The following OLFM3 variants were observed in gnomAD, a reference collection of about 807,000 sequenced individuals.
The protein encoded by OLFM3 is olfactomedin 3, also known as noelin-3.
Under a neutral mutation model 48.6 loss-of-function variants are expected in OLFM3, and 20 were observed. The ratio of observed to expected loss-of-function variants is 0.41; its 90% confidence interval spans 0.29 to 0.60. The LOEUF (loss-of-function observed/expected upper bound fraction) is 0.60. OLFM3 is among the 20% of genes least tolerant of loss of function. OLFM3 has a pLI of 0.28. For missense variants in OLFM3, 437 were observed against 544.3 expected (o/e 0.80, Z 1.96); for synonymous variants, 222 against 198.1 (o/e 1.12, Z -1.01).
intron 1 of OLFM3, among the ~76,000 whole-genome samples, chr1:101,984,551 C>T (rs1314017447): frequency 6.6e-6 from 1 of 152,144 alleles, no homozygotes; most frequent in African/African-American, 2.4e-5. Context: ...GCGTCTGCCG[C>T]CATGCCCAGC....
chr1:101,931,968 G>A (rs1440467778), intron 1 of OLFM3, among the ~76,000 whole-genome samples: 2 of 152,136 alleles, frequency 1.3e-5, no homozygotes, highest in Non-Finnish European at 2.9e-5. Flanking sequence ...CTACAATAAT[G>A]AAATAATTGT....
At chr1:101,868,517 G>C (rs1205492692) in intron 1 of OLFM3, among the ~76,000 whole-genome samples, 1 of 152,170 alleles carries the variant, frequency 6.6e-6, no homozygotes, top group East Asian at 1.9e-4. Flanking sequence ...AAATTTCTAA[G>C]CAGCAAAGCA....
chr1:101,918,733 C>A (rs1043870915), intron 1 of OLFM3, among the ~76,000 whole-genome samples: 2 of 151,936 alleles, frequency 1.3e-5, no homozygotes, highest in Admixed American at 6.6e-5. Flanking sequence ...GTGTAAATAT[C>A]TTTTATTAGA....
intron 1 of OLFM3, among the ~76,000 whole-genome samples, chr1:101,917,834 T>A (rs1658974141): frequency 6.6e-6 from 1 of 152,214 alleles, no homozygotes; most frequent in Admixed American, 6.5e-5. Flanking sequence ...GCAATCATAG[T>A]ACAAACTTGG....
intron 1 of OLFM3, among the ~76,000 whole-genome samples, chr1:101,843,015 T>TG (rs1313981632): frequency 6.6e-6 from 1 of 152,160 alleles, no homozygotes; most frequent in Non-Finnish European, 1.5e-5. Context: ...AAACAGAATT[T>TG]GGGGGGAAAA....
chr1:101,814,422 T>C (rs1654230431), intron 4 of OLFM3, among the ~76,000 whole-genome samples: 1 of 152,128 alleles, frequency 6.6e-6, no homozygotes, highest in South Asian at 2.1e-4. Context: ...AAACATATCA[T>C]ACAGAAATAA....
rs553311641 is a variant in OLFM3, at chr1:101,840,115, T to C, written c.70-3090A>G. Among the ~76,000 whole-genome samples the C allele has an allele frequency of 3.7e-4, 57 of 152,258 alleles. No homozygotes were observed. In the South Asian group the frequency reaches 4.3e-3, roughly 12 times the overall value. On this transcript the variant is annotated intron_variant, in intron 1 of 5. Transcript: ENST00000370103. ...AAAAGAGAATCAAAATCAAACCAACTAAGATCTCGGATGGAAGGACGTATT... is the reference window on the plus strand; with the variant it reads ...AAAAGAGAATCAAAATCAAACCAACCAAGATCTCGGATGGAAGGACGTATT...
At chr1:101,846,727 C>G (rs1337348674) in intron 1 of OLFM3, 16 of 686,534 alleles carry the variant, frequency 2.3e-5, no homozygotes, top group Middle Eastern at 2.5e-4. Flanking sequence ...ATAGTTACTA[C>G]ATTTTTGAAG....
At chr1:101,914,321 G>A (rs1658857628) in intron 1 of OLFM3, among the ~76,000 whole-genome samples, 1 of 152,088 alleles carries the variant, frequency 6.6e-6, no homozygotes, top group Non-Finnish European at 1.5e-5. Flanking sequence ...TTACCACATT[G>A]TTTTTGAAAT....
intron 4 of OLFM3, 68 bp downstream of exon 4, chr1:101,824,958 G>T: frequency 7.3e-7 from 1 of 1,363,490 alleles, no homozygotes; most frequent in East Asian, 2.3e-5. Context: ...TTTATAAAAC[G>T]TAAGAGCACA....
chr1:101,970,009 G>C (rs776181188), intron 1 of OLFM3, among the ~76,000 whole-genome samples: 39 of 151,582 alleles, frequency 2.6e-4, no homozygotes, highest in Non-Finnish European at 4.4e-4. Context: ...TTGCCATTTT[G>C]TAATGACAGA....
In OLFM3 at chr1:101,950,033, A is replaced by AAAC. The variant is rs1460699883; in HGVS notation, c.69+46714_69+46715insGTT. 6.1e-4 allele frequency among the ~76,000 whole-genome samples: 92 copies of AAAC among 149,882 alleles called. No individual in the cohort carries two copies. The South Asian group carries it at 0.012, about 20-fold the overall frequency. Reference sequence around the variant, plus strand: ...ACAGAGTGAGACTCCGTCTTAAAAAAAAAAAAAAAAAAAAAGAAAAAGCCT... The same window carrying AAAC: ...ACAGAGTGAGACTCCGTCTTAAAAAAAACAAAAAAAAAAAAAAAGAAAAAGCCT... On this transcript the variant is annotated intron_variant, in intron 1 of 5. Coordinates refer to ENST00000370103, the MANE Select transcript of OLFM3 (RefSeq NM_058170.4).
rs557872756 is a variant in OLFM3 at position 101,917,055 on chromosome 1, T to C, written c.69+79693A>G. Among the ~76,000 whole-genome samples the C allele has an allele frequency of 2.8e-3, 425 of 152,300 alleles. 1 individual carries two copies. Among genetic ancestry groups the C allele is most frequent in the African/African-American group, 9.5e-3 (395 of 41,568 alleles). On this transcript the variant is annotated intron_variant, in intron 1 of 5. Transcript: ENST00000370103. ...ACAGATTTACATTATTTGTTAAATA[T>C]AAAATAATCATCTGGATATTTTTAT... is the stretch of plus-strand genomic sequence containing the variant.
chr1:101,856,792 A>G (rs774758679), intron 1 of OLFM3, among the ~76,000 whole-genome samples: 11 of 152,010 alleles, frequency 7.2e-5, no homozygotes, highest in Admixed American at 3.3e-4. Flanking sequence ...AATATGATAC[A>G]GCCTTCTGAG....
intron 1 of OLFM3, chr1:101,893,219 G>A (rs1658070902): frequency 3.4e-6 from 1 of 292,678 alleles, no homozygotes; most frequent in Non-Finnish European, 6.6e-6. Flanking sequence ...AAAATAATGT[G>A]CTTTGTGACA....
chr1:101,959,569 G>T (rs1660406982), intron 1 of OLFM3, among the ~76,000 whole-genome samples: 2 of 152,100 alleles, frequency 1.3e-5, no homozygotes. Flanking sequence ...AGTTCTTAAT[G>T]CAGAAAATTA....
chr1:101,932,239 C>T (rs1659465668), intron 1 of OLFM3, among the ~76,000 whole-genome samples: 1 of 152,136 alleles, frequency 6.6e-6, no homozygotes, highest in African/African-American at 2.4e-5. Context: ...TTGGTGGGTT[C>T]ATCTTCAGAT....
At chr1:101,964,607 G>T (rs986455345) in intron 1 of OLFM3, among the ~76,000 whole-genome samples, 4 of 151,740 alleles carry the variant, frequency 2.6e-5, no homozygotes, top group Non-Finnish European at 4.4e-5. Context: ...TTTATTTTTA[G>T]GGAAAAAAAA....
In OLFM3 at chr1:101,906,536, T is replaced by G. The variant is rs146391852; in HGVS notation, c.70-69511A>C. ...AAAGATAAATGGTCAAGGACTTAAGTTCCTTTGATTTTAGCTTAGTAATCT... is the reference window on the plus strand; with the variant it reads ...AAAGATAAATGGTCAAGGACTTAAGGTCCTTTGATTTTAGCTTAGTAATCT... On this transcript the variant is annotated intron_variant, in intron 1 of 5. Coordinates refer to ENST00000370103, the MANE Select transcript of OLFM3 (RefSeq NM_058170.4). Among the ~76,000 whole-genome samples, 139 of 152,256 alleles carry G rather than the reference T, an allele frequency of 9.1e-4. 1 individual carries two copies. The highest frequency in any genetic ancestry group is 3.0e-3 in the African/African-American group (126 of 41,560).
Sources: allele counts gnomAD v4.1 joint callset (sites outside exome capture counted in the v4.1 genomes callset), GRCh38; gene constraint gnomAD v4.1.1; transcripts MANE v1.5; gene names NCBI Gene and HGNC (gene_info 2026-07-23, HGNC 2026-07-21).